Variants in MIR2052HG observed in about 807,000 individuals in gnomAD.
MIR2052HG encodes MIR2052 host gene.
At chr8:74,624,015 G>A (rs537019498) in intron 2 of MIR2052HG, among the ~76,000 whole-genome samples, 1 of 152,310 alleles carries the variant, frequency 6.6e-6, no homozygotes, top group South Asian at 2.1e-4. Flanking sequence ...TTGGCATTCT[G>A]GATGTAGTAC....
intron 1 of MIR2052HG, chr8:74,603,817 T>A (rs2128730401): frequency 1.2e-6 from 1 of 837,482 alleles, no homozygotes; most frequent in South Asian, 1.3e-5. Context: ...GATGGCCTGC[T>A]CAGTTGAGTT....
chr8:74,622,487 C>T (rs1228330516), intron 2 of MIR2052HG, among the ~76,000 whole-genome samples: 3 of 151,996 alleles, frequency 2.0e-5, no homozygotes, highest in African/African-American at 7.3e-5. Context: ...TCCTGCAGTC[C>T]CTGCTACTTG....
At chr8:74,686,791 C>A (rs913692879) in intron 2 of MIR2052HG, among the ~76,000 whole-genome samples, 1 of 152,084 alleles carries the variant, frequency 6.6e-6, no homozygotes, top group African/African-American at 2.4e-5. Context: ...GGTCTTTTGC[C>A]TTCACTGGAC....
intron 2 of MIR2052HG, among the ~76,000 whole-genome samples, chr8:74,679,616 C>T (rs1250003758): frequency 4.0e-5 from 6 of 151,504 alleles, no homozygotes; most frequent in African/African-American, 1.5e-4. Flanking sequence ...ACCTCTACCT[C>T]CTGGGTTCAA....
chr8:74,618,328 C>T (rs1331059943), intron 2 of MIR2052HG, among the ~76,000 whole-genome samples: 1 of 152,168 alleles, frequency 6.6e-6, no homozygotes, highest in Non-Finnish European at 1.5e-5. Context: ...TTAATTTTCT[C>T]CTCCTATCAG....
chr8:74,684,836 C>T (rs2128739390), intron 2 of MIR2052HG, among the ~76,000 whole-genome samples: 1 of 152,180 alleles, frequency 6.6e-6, no homozygotes, highest in African/African-American at 2.4e-5. Flanking sequence ...TAAAACAAAA[C>T]ATTTTCTCCA....
intron 2 of MIR2052HG, among the ~76,000 whole-genome samples, chr8:74,661,408 G>T (rs1266541645): frequency 9.2e-5 from 14 of 151,954 alleles, no homozygotes; most frequent in Admixed American, 7.9e-4. Context: ...TCAATATGTT[G>T]GCCAGGCTGG....
chr8:74,663,225 CCAGGGGAAAAAAAGAG>C (rs1425929241), intron 2 of MIR2052HG, among the ~76,000 whole-genome samples: 3 of 151,038 alleles, frequency 2.0e-5, no homozygotes, highest in Non-Finnish European at 4.4e-5. Context: ...CTTTTTTTGC[CCAGGGGAAAAAAAGAG>C]CATCATGCCA....
chr8:74,724,930 A>G (rs954996873), intron 4 of MIR2052HG, among the ~76,000 whole-genome samples: 1 of 151,936 alleles, frequency 6.6e-6, no homozygotes, highest in Admixed American at 6.6e-5. Flanking sequence ...CACTAAAACC[A>G]TAGCTCCAGA....
At chr8:74,695,572 A>G (rs1235405814) in intron 2 of MIR2052HG, among the ~76,000 whole-genome samples, 1 of 152,146 alleles carries the variant, frequency 6.6e-6, no homozygotes, top group Non-Finnish European at 1.5e-5. Flanking sequence ...AGACTCACCT[A>G]ACACATAAGG....
chr8:74,752,000 A>T (rs1013657838), intron 4 of MIR2052HG, among the ~76,000 whole-genome samples: 1 of 152,036 alleles, frequency 6.6e-6, no homozygotes, highest in Non-Finnish European at 1.5e-5. Flanking sequence ...TATTAAAAAC[A>T]GTCTAGGCAT....
chr8:74,684,552 GAAC>G (rs1275229368), intron 2 of MIR2052HG, among the ~76,000 whole-genome samples: 1 of 151,930 alleles, frequency 6.6e-6, no homozygotes, highest in Admixed American at 6.6e-5. Context: ...GAATAAATGA[GAAC>G]AATAATCGAA....
rs1809532874 is a variant in MIR2052HG, at chr8:74,717,576, G to T, written n.371+13894G>T. Among the ~76,000 whole-genome samples the T allele has an allele frequency of 2.0e-5, 3 of 152,234 alleles. No individual in the cohort carries two copies. In the South Asian group the frequency reaches 6.2e-4, roughly 32 times the overall value. On this transcript the variant is annotated intron_variant and non_coding_transcript_variant, in intron 4 of 6. Transcript: ENST00000523442. ...CTCTTGCCCGTAATCCCAGCATTTT[G>T]GGAGGTTGAGGTGGGAGGATCCCAT...
At chr8:74,751,935 C>A (rs1051501725) in intron 4 of MIR2052HG, among the ~76,000 whole-genome samples, 1 of 152,012 alleles carries the variant, frequency 6.6e-6, no homozygotes, top group Non-Finnish European at 1.5e-5. Context: ...TTTGTTTAAT[C>A]TTTTTAAGGC....
chr8:74,620,871 A>G (rs181714262), intron 2 of MIR2052HG, among the ~76,000 whole-genome samples: 9 of 152,166 alleles, frequency 5.9e-5, no homozygotes, highest in Admixed American at 3.3e-4. Flanking sequence ...CCAGAAAATG[A>G]GTTTTTATTT....
At chr8:74,749,873 T>C (rs889607725) in intron 4 of MIR2052HG, among the ~76,000 whole-genome samples, 2 of 151,122 alleles carry the variant, frequency 1.3e-5, no homozygotes, top group African/African-American at 4.9e-5. Context: ...AAAAGTATTG[T>C]AGGCTACATT....
At chr8:74,757,736 A>G (rs763586798) in intron 5 of MIR2052HG, 11 of 152,182 alleles carry the variant, frequency 7.2e-5, no homozygotes, top group Non-Finnish European at 1.3e-4. Flanking sequence ...GCTGATATAC[A>G]TATTAAAGAG....
intron 5 of MIR2052HG, among the ~76,000 whole-genome samples, chr8:74,756,197 T>G (rs901071700): frequency 6.6e-6 from 1 of 152,194 alleles, no homozygotes; most frequent in Admixed American, 6.5e-5. Context: ...TAGCTAAATA[T>G]GGGACACACA....
At chr8:74,633,960 T>C (rs562289211) in intron 2 of MIR2052HG, among the ~76,000 whole-genome samples, 2 of 152,356 alleles carry the variant, frequency 1.3e-5, no homozygotes, top group African/African-American at 4.8e-5. Context: ...ACATTAGATG[T>C]ACCGAGCCTC....
Sources: allele counts gnomAD v4.1 joint callset (sites outside exome capture counted in the v4.1 genomes callset), GRCh38; gene constraint gnomAD v4.1.1; transcripts MANE v1.5; gene names NCBI Gene and HGNC (gene_info 2026-07-23, HGNC 2026-07-21).